DENND5A: variants seen among roughly 807,000 people sequenced by gnomAD.
The protein encoded by DENND5A is DENN domain containing 5A.
A neutral mutation model predicts 140.3 loss-of-function variants in DENND5A; 64 were observed. The ratio of observed to expected loss-of-function variants is 0.46; its 90% confidence interval spans 0.37 to 0.56. The LOEUF (loss-of-function observed/expected upper bound fraction) is 0.56. Ranked by LOEUF, DENND5A falls within the 20% of genes least tolerant of loss-of-function variation. The probability of loss-of-function intolerance (pLI) is 0.00; values close to 1 mark genes in which losing one functional copy is unlikely to be tolerated. For missense variants in DENND5A, 1,292 were observed against 1,593.8 expected, an observed-to-expected ratio of 0.81 and a Z score of 3.22; for synonymous variants, 605 against 607.7, an observed-to-expected ratio of 1.00 and a Z score of 0.07.
intron 10 of DENND5A, among the ~76,000 whole-genome samples, chr11:9,167,251 T>C (rs907896693): frequency 6.6e-6 from 1 of 152,076 alleles, no homozygotes; most frequent in Non-Finnish European, 1.5e-5. Flanking sequence ...TTCTATCTTA[T>C]GGCCCCTTAA....
At chr11:9,144,322 T>G (rs777026968) in intron 18 of DENND5A, 44 bp from the exon 19 acceptor site, 1 of 1,591,380 alleles carries the variant, frequency 6.3e-7, no homozygotes, top group Admixed American at 1.7e-5. Context: ...AGCTCCTCCC[T>G]GCTGCTCACA....
chr11:9,167,280 C>A (rs374774313), intron 10 of DENND5A, among the ~76,000 whole-genome samples: 1 of 151,796 alleles, frequency 6.6e-6, no homozygotes, highest in Non-Finnish European at 1.5e-5. Context: ...TACTACCAAC[C>A]CCCCAAGGTT....
chr11:9,199,275 A>T, intron 4 of DENND5A, among the ~76,000 whole-genome samples: 1 of 151,946 alleles, frequency 6.6e-6, no homozygotes, highest in Admixed American at 6.6e-5. Flanking sequence ...AGGAAGGTGG[A>T]TTGCTTAAGC....
chr11:9,246,924 C>G (rs1851498276), intron 1 of DENND5A, among the ~76,000 whole-genome samples: 1 of 152,060 alleles, frequency 6.6e-6, no homozygotes, highest in Admixed American at 6.6e-5. Context: ...TGAAATTTAC[C>G]CATACCTTTA....
chr11:9,163,995 A>G (rs1425876116), intron 11 of DENND5A, among the ~76,000 whole-genome samples: 1 of 149,144 alleles, frequency 6.7e-6, no homozygotes, highest in African/African-American at 2.5e-5. Context: ...ACTGGCCACA[A>G]TGCCTGGCCA....
intron 4 of DENND5A, among the ~76,000 whole-genome samples, chr11:9,200,016 T>C (rs777900862): frequency 4.6e-5 from 7 of 152,204 alleles, no homozygotes; most frequent in Non-Finnish European, 1.0e-4. Context: ...AGGTCCTAAG[T>C]TAAATTCAAT....
In DENND5A at chr11:9,164,194, AT is replaced by A. The variant is rs779522112; in HGVS notation, c.2283+1641del. ...CTAAAGGTGTGCACCACCACGCCTA[AT>A]TTTTTTTTTTTTTTTTTTTTTTTTT... On this transcript the variant is annotated intron_variant, in intron 11 of 22. Coordinates refer to ENST00000328194, the MANE Select transcript of DENND5A (RefSeq NM_015213.4). Among the ~76,000 whole-genome samples, 211 of 78,776 alleles carry A rather than the reference AT, an allele frequency of 2.7e-3. 2 individuals carry two copies. The highest frequency in any genetic ancestry group is 6.3e-3 in the Middle Eastern group (1 of 160). 51.7% of individuals were successfully genotyped at this position (78,776 alleles called of 152,430 possible).
Position 9,204,138 on chromosome 11 carries a change from G to A in DENND5A, c.471C>T (p.His157=). 6.2e-7 allele frequency: 1 copy of A among 1,614,154 alleles called. No homozygotes were observed. The highest frequency in any genetic ancestry group is 1.1e-5 in the South Asian group (1 of 91,078). ...CATGTAGGACATCATACTCAGCATT[G>A]TGCATGTGGTAGAGGGTCTGCATTG... is the stretch of plus-strand genomic sequence containing the variant. ...CSAMQTLYHM[H]NAEYDVLHAP... Residue 157 remains histidine (H), a synonymous_variant, in exon 4 of 23, where the codon CAC becomes CAT. Coordinates refer to ENST00000328194, the MANE Select transcript of DENND5A (RefSeq NM_015213.4).
At chr11:9,145,915 C>CT in intron 16 of DENND5A, 100 bp from the exon 17 acceptor site, 1 of 1,262,148 alleles carries the variant, frequency 7.9e-7, no homozygotes. Context: ...ACAACTGTGG[C>CT]TCCTGCTATC....
intron 1 of DENND5A, among the ~76,000 whole-genome samples, chr11:9,244,369 A>T (rs1164016309): frequency 2.0e-4 from 30 of 151,700 alleles, no homozygotes; most frequent in Admixed American, 1.8e-3. Context: ...TATTTTATTT[A>T]TTTTTATTTA....
Position 9,170,734 on chromosome 11 carries a change from T to G in DENND5A, c.1950A>C (p.Ala650=). Residue 650 remains alanine, a synonymous_variant, in exon 9 of 23, where the codon GCA becomes GCC. Coordinates refer to ENST00000328194, the MANE Select transcript of DENND5A (RefSeq NM_015213.4). ...ELRLAKIDHT[A]IHPHLLDMKI... ...TCATGTCAAGTAAATGTGGGTGAAT[T>G]GCAGTATGGTCAATTTTTGCCAGAC... 1.2e-6 allele frequency: 2 copies of G among 1,613,962 alleles called. No homozygotes were observed. The highest frequency in any genetic ancestry group is 2.2e-5 in the South Asian group (2 of 91,076).
At chr11:9,251,347 T>C (rs977000493) in intron 1 of DENND5A, among the ~76,000 whole-genome samples, 1 of 151,982 alleles carries the variant, frequency 6.6e-6, no homozygotes, top group African/African-American at 2.4e-5. Context: ...ACCCATCACA[T>C]AATGAACAAT....
chr11:9,196,891 G>C (rs60120890), intron 4 of DENND5A, among the ~76,000 whole-genome samples: 2 of 151,922 alleles, frequency 1.3e-5, no homozygotes, highest in Non-Finnish European at 2.9e-5. Flanking sequence ...GATTACAGGC[G>C]TGAGCCACCA....
chr11:9,203,074 C>T (rs536109194), intron 4 of DENND5A, among the ~76,000 whole-genome samples: 1 of 152,314 alleles, frequency 6.6e-6, no homozygotes, highest in South Asian at 2.1e-4. Context: ...ACATAGTGCA[C>T]TCTCAGTAAA....
At position 9,147,144 on chromosome 11, in the gene DENND5A, A is replaced by T. The variant is rs751836901; in HGVS notation, c.2743T>A (p.Tyr915Asn). 2.5e-6 allele frequency: 4 copies of T among 1,614,104 alleles called. No homozygotes were observed. Among genetic ancestry groups the T allele is most frequent in the Non-Finnish European group, 3.4e-6 (4 of 1,179,974 alleles). ...CAGCGCAGGAAGGCATAGCGCTTAT[A>T]TAACTTTCTGTTGGAGAGGAGGTAA... is the stretch of plus-strand genomic sequence containing the variant. ...LSDHELTKKL[Y>N]KRYAFLRCDD... Residue 915 changes from tyrosine (Y) to asparagine (N), a missense_variant, in exon 16 of 23, where the codon TAT becomes AAT. Physicochemically the swap from Tyr to Asn is moderately radical, Grantham distance 143. This residue lies in a region of DENND5A where 498 missense variants were observed against 689.7 expected (regional missense o/e 0.72). Coordinates refer to ENST00000328194, the MANE Select transcript of DENND5A (RefSeq NM_015213.4).
chr11:9,159,320 T>A (rs558931065), intron 12 of DENND5A, among the ~76,000 whole-genome samples: 96 of 147,392 alleles, frequency 6.5e-4, no homozygotes, highest in Non-Finnish European at 1.2e-3. Context: ...AACTTTTTTT[T>A]CTTTTTTTTT....
At chr11:9,163,288 G>A (rs1445542231) in intron 11 of DENND5A, among the ~76,000 whole-genome samples, 1 of 152,130 alleles carries the variant, frequency 6.6e-6, no homozygotes, top group African/African-American at 2.4e-5. Context: ...ATACTATGCT[G>A]TTTTCCAAAA....
chr11:9,253,091 A>G (rs1851800298), intron 1 of DENND5A, among the ~76,000 whole-genome samples: 2 of 151,988 alleles, frequency 1.3e-5, no homozygotes, highest in Non-Finnish European at 2.9e-5. Context: ...GCCTAAAGCC[A>G]TCCTCCCCCA....
At chr11:9,169,047 A>G (rs1848279891) in intron 10 of DENND5A, among the ~76,000 whole-genome samples, 1 of 152,188 alleles carries the variant, frequency 6.6e-6, no homozygotes, top group African/African-American at 2.4e-5. Context: ...CCTGATAATA[A>G]TGTTCCTCTC....
Sources: allele counts gnomAD v4.1 joint callset (sites outside exome capture counted in the v4.1 genomes callset), GRCh38; gene constraint gnomAD v4.1.1; regional missense constraint gnomAD v4.1.1; transcripts MANE v1.5; gene names NCBI Gene and HGNC (gene_info 2026-07-23, HGNC 2026-07-21).